Variants in WWC2 observed in about 807,000 individuals in gnomAD.
WWC2 encodes protein WWC2.
In WWC2, 101 loss-of-function variants were observed where a neutral mutation model predicts 138.5. The observed-to-expected ratio is 0.73, with a 90% confidence interval of 0.62 to 0.86. WWC2 has a LOEUF of 0.86. Among genes scored for constraint, WWC2 ranks in the 40% least tolerant of loss-of-function variants. WWC2 has a pLI of 0.00. For synonymous variants in WWC2, 558 were observed against 538.4 expected, an observed-to-expected ratio of 1.04 and a Z score of -0.50; for missense variants, 1,420 against 1,419.4, an observed-to-expected ratio of 1.00 and a Z score of -0.01.
chr4:183,280,917 TGCTGTTGGGA>T lies in WWC2; in HGVS notation c.2684+24_2684+33del. Reference sequence around the variant, plus strand: ...AGACTGGTTAAACACTTATTTCCTTTGCTGTTGGGAGCTCAAAGATGATGTGTTTACACGG... The same window carrying T: ...AGACTGGTTAAACACTTATTTCCTTTGCTCAAAGATGATGTGTTTACACGG... On this transcript the variant is annotated intron_variant, in intron 17 of 22. Transcript: ENST00000403733. The T allele has an allele frequency of 6.5e-7, 1 of 1,546,072 alleles. No homozygotes were observed.
chr4:183,231,326 G>T (rs929245871), intron 4 of WWC2, among the ~76,000 whole-genome samples: 64 of 132,660 alleles, frequency 4.8e-4, no homozygotes, highest in African/African-American at 1.9e-3. Context: ...CTGGAATGCA[G>T]TGGCGCGATC....
intron 9 of WWC2, among the ~76,000 whole-genome samples, chr4:183,259,091 G>C (rs145305013): frequency 6.6e-6 from 1 of 152,168 alleles, no homozygotes; most frequent in Non-Finnish European, 1.5e-5. Context: ...TCCCTAAACA[G>C]TTGAGCCCAA....
chr4:183,271,536 A>G (rs1446594113), intron 16 of WWC2, among the ~76,000 whole-genome samples: 1 of 152,256 alleles, frequency 6.6e-6, no homozygotes, highest in Non-Finnish European at 1.5e-5. Context: ...GATCATGGAA[A>G]AAACCTTTTA....
At chr4:183,223,388 AT>A (rs1735982846) in intron 4 of WWC2, among the ~76,000 whole-genome samples, 1 of 152,180 alleles carries the variant, frequency 6.6e-6, no homozygotes. Context: ...GAATAGTATA[AT>A]TTTCTCCCAT....
chr4:183,140,885 A>C (rs1347299356), intron 1 of WWC2, among the ~76,000 whole-genome samples: 1 of 148,258 alleles, frequency 6.7e-6, no homozygotes, highest in Non-Finnish European at 1.5e-5. Flanking sequence ...ATTTCCACCA[A>C]TCTGCTTAAT....
chr4:183,186,902 C>A (rs1734821671), intron 1 of WWC2, among the ~76,000 whole-genome samples: 1 of 152,160 alleles, frequency 6.6e-6, no homozygotes, highest in Non-Finnish European at 1.5e-5. Context: ...AGGACCCAAG[C>A]AGGTGCAGAC....
intron 16 of WWC2, among the ~76,000 whole-genome samples, chr4:183,276,308 A>G (rs1737854593): frequency 6.6e-6 from 1 of 152,034 alleles, no homozygotes; most frequent in South Asian, 2.1e-4. Flanking sequence ...TAACTCATTT[A>G]CTTTTAATGC....
At chr4:183,167,917 G>A (rs1163123661) in intron 1 of WWC2, among the ~76,000 whole-genome samples, 1 of 147,940 alleles carries the variant, frequency 6.8e-6, no homozygotes, top group Non-Finnish European at 1.5e-5. Context: ...GTGCAGTGAT[G>A]TGATCTTGGC....
Position 183,227,584 on chromosome 4 carries a change from C to T in WWC2, c.523-12599C>T, listed in dbSNP as rs1363695687. Among the ~76,000 whole-genome samples the T allele has an allele frequency of 2.0e-5, 3 of 151,690 alleles. 1 individual carries two copies. Among genetic ancestry groups the T allele is most frequent in the African/African-American group, 7.3e-5 (3 of 41,192 alleles). On this transcript the variant is annotated intron_variant, in intron 4 of 22. Transcript: ENST00000403733. ...TTGGAAATATAAGTAAGGAAGATAC[C>T]ATGAAAATTATCAAGAAAATACGGA...
intron 4 of WWC2, among the ~76,000 whole-genome samples, chr4:183,229,219 C>G (rs1007178662): frequency 6.6e-6 from 1 of 151,984 alleles, no homozygotes; most frequent in Admixed American, 6.6e-5. Context: ...TGTTGTACTT[C>G]TAAGAAACCT....
chr4:183,273,057 A>AT (rs1481888955), intron 16 of WWC2, among the ~76,000 whole-genome samples: 1 of 152,214 alleles, frequency 6.6e-6, no homozygotes, highest in Admixed American at 6.5e-5. Context: ...ACCATTTTGC[A>AT]TTCCCATCAG....
At chr4:183,159,741 A>C (rs1012832678) in intron 1 of WWC2, among the ~76,000 whole-genome samples, 1 of 149,528 alleles carries the variant, frequency 6.7e-6, no homozygotes, top group Admixed American at 6.7e-5. Flanking sequence ...AAAAAAAAAA[A>C]TTGTTTACAA....
At chr4:183,238,659 C>A (rs534724201) in intron 4 of WWC2, among the ~76,000 whole-genome samples, 1 of 152,296 alleles carries the variant, frequency 6.6e-6, no homozygotes, top group East Asian at 1.9e-4. Context: ...CTGTTGAGGA[C>A]CCCTTCTACC....
chr4:183,289,524 G>A lies in WWC2; in HGVS notation c.3273G>A (p.Arg1091=). 6.2e-7 allele frequency: 1 copy of A among 1,613,974 alleles called. No individual in the cohort carries two copies. The highest frequency in any genetic ancestry group is 1.1e-5 in the South Asian group (1 of 91,078). Residue 1091 remains arginine, a synonymous_variant, in exon 21 of 23, where the codon AGG becomes AGA. Transcript: ENST00000403733. Reference sequence around the variant, plus strand: ...TCAATGATGAGCTGCAGGCGCTGAGGGACTTGCGGCAGAAGCTGGAGGAAC... The same window carrying A: ...TCAATGATGAGCTGCAGGCGCTGAGAGACTTGCGGCAGAAGCTGGAGGAAC... The part of the protein sequence containing the change: ...SRLNDELQAL[R]DLRQKLEELK...
At chr4:183,247,190 A>G (rs940163880) in intron 6 of WWC2, among the ~76,000 whole-genome samples, 44 of 152,012 alleles carry the variant, frequency 2.9e-4, no homozygotes, top group African/African-American at 1.0e-3. Context: ...ATGCACGCGC[A>G]CACACACACA....
intron 16 of WWC2, among the ~76,000 whole-genome samples, chr4:183,279,476 T>C (rs1560883328): frequency 6.6e-6 from 1 of 152,230 alleles, no homozygotes; most frequent in East Asian, 1.9e-4. Flanking sequence ...GGTATCAGAA[T>C]GATGCTGGCC....
intron 16 of WWC2, among the ~76,000 whole-genome samples, chr4:183,272,203 T>C (rs1737714077): frequency 6.6e-6 from 1 of 152,208 alleles, no homozygotes; most frequent in Non-Finnish European, 1.5e-5. Flanking sequence ...CAGTGTTTTA[T>C]GGATCATCTA....
At chr4:183,174,111 G>A (rs1734380552) in intron 1 of WWC2, among the ~76,000 whole-genome samples, 1 of 152,180 alleles carries the variant, frequency 6.6e-6, no homozygotes, top group Non-Finnish European at 1.5e-5. Flanking sequence ...TGGGGCTTGG[G>A]ATGCTTGCTG....
At chr4:183,279,713 A>G (rs1738001917) in intron 16 of WWC2, among the ~76,000 whole-genome samples, 1 of 152,006 alleles carries the variant, frequency 6.6e-6, no homozygotes, top group Non-Finnish European at 1.5e-5. Flanking sequence ...GGGAGAGTGT[A>G]TGTGTCGAGG....
Sources: allele counts gnomAD v4.1 joint callset (sites outside exome capture counted in the v4.1 genomes callset), GRCh38; gene constraint gnomAD v4.1.1; transcripts MANE v1.5; gene names NCBI Gene and HGNC (gene_info 2026-07-23, HGNC 2026-07-21).